The following ACOT13 variants were observed in gnomAD, a reference collection of about 807,000 sequenced individuals.
ACOT13 encodes the protein acyl-CoA thioesterase 13, also known as acyl-coenzyme A thioesterase 13.
A neutral mutation model predicts 11.8 loss-of-function variants in ACOT13; 10 were observed. That is an observed-to-expected ratio of 0.85 (90% CI 0.53 to 1.44). ACOT13 has a LOEUF of 1.44. Ranked by LOEUF, ACOT13 falls within the 40% of genes most tolerant of loss-of-function variation. The probability of loss-of-function intolerance (pLI) is 0.00; values close to 1 mark genes in which losing one functional copy is unlikely to be tolerated. For synonymous variants in ACOT13, 53 were observed against 61.0 expected (o/e 0.87, Z 0.61); for missense variants, 172 against 174.1 (o/e 0.99, Z 0.07).
At chr6:24,700,498 C>T (rs892270343) in intron 2 of ACOT13, among the ~76,000 whole-genome samples, 4 of 138,328 alleles carry the variant, frequency 2.9e-5, no homozygotes, top group Admixed American at 8.2e-5. Flanking sequence ...TCCAGTGGCG[C>T]GATCTCGGCT....
In ACOT13 at chr6:24,690,066, T is replaced by G. The variant is rs374695856; in HGVS notation, c.82-7817T>G. Among the ~76,000 whole-genome samples the G allele has an allele frequency of 5.7e-4, 87 of 152,256 alleles. No individual in the cohort carries two copies. The South Asian group carries it at 0.017, about 29-fold the overall frequency. Reference sequence around the variant, plus strand: ...AACTGTAGTTTTTACTTGGCCATCCTAGGAGTTCCAGGACTTTGTAGCATA... The same window carrying G: ...AACTGTAGTTTTTACTTGGCCATCCGAGGAGTTCCAGGACTTTGTAGCATA... On this transcript the variant is annotated intron_variant, in intron 1 of 2. Coordinates refer to ENST00000230048, the MANE Select transcript of ACOT13 (RefSeq NM_018473.4).
chr6:24,676,079 C>G (rs1778449154), intron 1 of ACOT13, among the ~76,000 whole-genome samples: 2 of 152,134 alleles, frequency 1.3e-5, no homozygotes, highest in African/African-American at 2.4e-5. Context: ...TTCCATTGGT[C>G]TATATCTCTG....
intron 1 of ACOT13, among the ~76,000 whole-genome samples, chr6:24,694,418 GA>G (rs563041753): frequency 2.6e-4 from 40 of 152,248 alleles, no homozygotes; most frequent in African/African-American, 9.6e-4. Flanking sequence ...TAAACTTTTC[GA>G]CAGTTTCTCA....
chr6:24,686,384 A>T (rs1254802091), intron 1 of ACOT13, among the ~76,000 whole-genome samples: 2 of 152,150 alleles, frequency 1.3e-5, no homozygotes, highest in Non-Finnish European at 2.9e-5. Context: ...ATTTATAAAG[A>T]AAAGAGGATT....
rs1196661001 is a variant in ACOT13 at position 24,668,494 on chromosome 6, T to TACAGGCATGAGCC, written c.81+1153_81+1165dup. On this transcript the variant is annotated intron_variant, in intron 1 of 2. Coordinates refer to ENST00000230048, the MANE Select transcript of ACOT13 (RefSeq NM_018473.4). ...CCTTGGCCTCCCGAAGTGCTGGGAT[T>TACAGGCATGAGCC]ACAGGCATGAGCCACCATGCCCCGC... Among the ~76,000 whole-genome samples, 5 of 152,226 alleles carry TACAGGCATGAGCC rather than the reference T, an allele frequency of 3.3e-5. No individual in the cohort carries two copies. The South Asian group carries it at 8.3e-4, about 25-fold the overall frequency.
intron 1 of ACOT13, among the ~76,000 whole-genome samples, chr6:24,678,443 C>G (rs1778492273): frequency 6.6e-6 from 1 of 152,134 alleles, no homozygotes; most frequent in Admixed American, 6.5e-5. Flanking sequence ...TTTTACTAGG[C>G]CTTGGGCTTT....
At chr6:24,699,387 T>C (rs912865764) in intron 2 of ACOT13, among the ~76,000 whole-genome samples, 2 of 152,104 alleles carry the variant, frequency 1.3e-5, no homozygotes, top group African/African-American at 2.4e-5. Flanking sequence ...TTTGTTTGTA[T>C]TTTTAGTAGA....
chr6:24,698,068 G>A lies in ACOT13; in HGVS notation c.266+1G>A, dbSNP rs780070370. 1.9e-5 allele frequency: 31 copies of A among 1,595,358 alleles called. No individual in the cohort carries two copies. The highest frequency in any genetic ancestry group is 3.5e-5 in the Admixed American group (2 of 56,608). On this transcript the variant is annotated splice_donor_variant, in intron 2 of 2. Transcript: ENST00000230048. LOFTEE classifies it high-confidence loss of function. ...GAGTCAGTGTCGATATGAACATAAC[G>A]TATGTATCCAAACTGTATTCCAAAT...
At chr6:24,694,352 G>A (rs890420494) in intron 1 of ACOT13, among the ~76,000 whole-genome samples, 1 of 152,150 alleles carries the variant, frequency 6.6e-6, no homozygotes, top group African/African-American at 2.4e-5. Context: ...TAGCAGTCCA[G>A]GTGATATTTG....
Position 24,701,865 on chromosome 6 carries a change from A to G in ACOT13, c.*250A>G, listed in dbSNP as rs1778898116. On this transcript the variant is annotated 3_prime_UTR_variant, in exon 3 of 3. Coordinates refer to ENST00000230048, the MANE Select transcript of ACOT13 (RefSeq NM_018473.4). The stretch of plus-strand genomic sequence containing the variant: ...GCTCAAAGTGTTTTAAAAACAGGTA[A>G]AGCAAAGAAACTAGCAGGACCACTC... 2 of 363,596 alleles carry G rather than the reference A, an allele frequency of 5.5e-6. No homozygotes were observed. Among genetic ancestry groups the G allele is most frequent in the Non-Finnish European group, 9.9e-6 (2 of 201,092 alleles). The allele number at this position is 363,596 out of a possible 1,614,324, so 22.5% of individuals were successfully genotyped here. A position where few individuals can be genotyped will look rare whatever the true frequency, so the allele number is the denominator to read the frequency against.
rs758783259 is a variant in ACOT13, at chr6:24,667,096, A to G, written c.-168A>G. ...AAAGTCAGTGAGCAAATCGCGGACC[A>G]CCGGGGCTGCCAGCTCGCCTGACTC... is the stretch of plus-strand genomic sequence containing the variant. On this transcript the variant is annotated 5_prime_UTR_variant, in exon 1 of 3. Transcript: ENST00000230048. 931 of 848,488 alleles carry G rather than the reference A, an allele frequency of 1.1e-3. 13 individuals carry two copies. The highest frequency in any genetic ancestry group is 2.2e-4 in the Non-Finnish European group (122 of 557,078). The allele number at this position is 848,488 out of a possible 1,614,324, so 52.6% of individuals were successfully genotyped here.
intron 1 of ACOT13, chr6:24,687,408 C>T (rs1297172815): frequency 8.3e-7 from 1 of 1,209,720 alleles, no homozygotes; most frequent in Non-Finnish European, 1.0e-6. Flanking sequence ...CCCACAGTAA[C>T]ACGTGGAGGA....
chr6:24,687,483 A>G (rs1778650448), intron 1 of ACOT13: 1 of 1,368,626 alleles, frequency 7.3e-7, no homozygotes, highest in Non-Finnish European at 9.5e-7. Flanking sequence ...TGTGGACTCC[A>G]ACACACATAG....
chr6:24,673,425 A>T (rs1341787792), intron 1 of ACOT13, among the ~76,000 whole-genome samples: 1 of 152,112 alleles, frequency 6.6e-6, no homozygotes, highest in Non-Finnish European at 1.5e-5. Context: ...CACTGGTGCA[A>T]TCTTGGCTCA....
chr6:24,698,763 T>C (rs1778840324), intron 2 of ACOT13, among the ~76,000 whole-genome samples: 1 of 150,980 alleles, frequency 6.6e-6, no homozygotes. Flanking sequence ...TCAGCCTCCC[T>C]AGTAGCTGGG....
intron 1 of ACOT13, among the ~76,000 whole-genome samples, chr6:24,688,001 C>T (rs1039134608): frequency 1.3e-5 from 2 of 151,904 alleles, no homozygotes; most frequent in Non-Finnish European, 2.9e-5. Context: ...GTGTGAGCCA[C>T]CGCACCCAGC....
chr6:24,704,378 A>AT lies in ACOT13; in HGVS notation c.*2764dup, dbSNP rs1418093550. 1 of 152,256 alleles carries AT rather than the reference A, an allele frequency of 6.6e-6. No homozygotes were observed. Among genetic ancestry groups the AT allele is most frequent in the Non-Finnish European group, 1.5e-5 (1 of 68,040 alleles). 9.4% of individuals were successfully genotyped at this position (152,256 alleles called of 1,614,324 possible). On this transcript the variant is annotated 3_prime_UTR_variant, in exon 3 of 3. Transcript: ENST00000230048. Reference sequence around the variant, plus strand: ...TGCCAAAATGCCTAACTTGGTGAACATAAGTGTAATTCAATATGGTAAATT... The same window carrying AT: ...TGCCAAAATGCCTAACTTGGTGAACATTAAGTGTAATTCAATATGGTAAATT...
intron 1 of ACOT13, among the ~76,000 whole-genome samples, chr6:24,688,086 T>C (rs1419990192): frequency 6.6e-6 from 1 of 152,202 alleles, no homozygotes; most frequent in African/African-American, 2.4e-5. Context: ...AGGGCAGTGA[T>C]ATTCAAAATT....
rs572644469 is a variant in ACOT13, at chr6:24,703,908, A to C, written c.*2293A>C. The C allele has an allele frequency of 1.3e-5, 2 of 152,356 alleles. No individual in the cohort carries two copies. The highest frequency in any genetic ancestry group is 4.8e-5 in the African/African-American group (2 of 41,590). The allele number at this position is 152,356 out of a possible 1,614,324, so 9.4% of individuals were successfully genotyped here. On this transcript the variant is annotated 3_prime_UTR_variant, in exon 3 of 3. Coordinates refer to ENST00000230048, the MANE Select transcript of ACOT13 (RefSeq NM_018473.4). ...AATGCAAAATGAGTAACAATTTACAAGAAAAATTGCCCTGTACTCCAAAAA... is the reference window on the plus strand; with the variant it reads ...AATGCAAAATGAGTAACAATTTACACGAAAAATTGCCCTGTACTCCAAAAA...
Sources: gnomAD v4.1 joint callset for allele counts (sites outside exome capture counted in the v4.1 genomes callset) on GRCh38, gnomAD v4.1.1 for gene constraint, MANE v1.5 for transcripts, NCBI Gene and HGNC (gene_info 2026-07-23, HGNC 2026-07-21) for gene names.